The following AGXT2 variants were observed in gnomAD, a reference collection of about 807,000 sequenced individuals.
The protein encoded by AGXT2 is alanine--glyoxylate aminotransferase 2, mitochondrial.
A neutral mutation model predicts 62.5 loss-of-function variants in AGXT2; 61 were observed. That is an observed-to-expected ratio of 0.98 (90% CI 0.79 to 1.21). The LOEUF (loss-of-function observed/expected upper bound fraction) is 1.21, where lower values mean the gene tolerates loss of function less well. Among genes scored for constraint, AGXT2 ranks in the 50% most tolerant of loss-of-function variants. The probability of loss-of-function intolerance (pLI) is 0.00; values close to 1 mark genes in which losing one functional copy is unlikely to be tolerated. For synonymous variants in AGXT2, 243 were observed against 218.7 expected (o/e 1.11, Z -0.98); for missense variants, 666 against 641.5 (o/e 1.04, Z -0.41).
chr5:35,030,323 C>T (rs1452349572), intron 7 of AGXT2, among the ~76,000 whole-genome samples: 1 of 152,186 alleles, frequency 6.6e-6, no homozygotes, highest in Non-Finnish European at 1.5e-5. Flanking sequence ...GCCTGGCCAA[C>T]ATGGTGAAAC....
At chr5:35,035,096 A>G (rs1008953468) in intron 5 of AGXT2, 126 bp downstream of exon 5, 15 of 867,096 alleles carry the variant, frequency 1.7e-5, no homozygotes, top group Non-Finnish European at 2.7e-5. Flanking sequence ...CTTCCTTAAA[A>G]CTTAACAACT....
rs373678949 is a variant in AGXT2, at chr5:35,033,487, T to C, written c.648A>G (p.Glu216=). Reference sequence around the variant, plus strand: ...GTTGGCAACCTGTCCCACCAGGGAGTTCCATCTTGTAGGTCCCTACGTTTG... The same window carrying C: ...GTTGGCAACCTGTCCCACCAGGGAGCTCCATCTTGTAGGTCCCTACGTTTG... ...GLTNVGTYKM[E]LPGGTGCQPT... The change falls in exon 6 of 14, where the codon GAA becomes GAG. Residue 216 remains glutamate (E), a synonymous_variant. Coordinates refer to ENST00000231420, the MANE Select transcript of AGXT2 (RefSeq NM_031900.4). 4.8e-5 allele frequency: 78 copies of C among 1,613,276 alleles called. No homozygotes were observed. Among genetic ancestry groups the C allele is most frequent in the Non-Finnish European group, 6.5e-5 (77 of 1,179,558 alleles).
intron 9 of AGXT2, among the ~76,000 whole-genome samples, chr5:35,021,276 G>C (rs1767069728): frequency 1.3e-5 from 2 of 152,112 alleles, no homozygotes; most frequent in South Asian, 4.1e-4. Context: ...TGAATCCTAA[G>C]CCAAAAGAAC....
intron 7 of AGXT2, among the ~76,000 whole-genome samples, chr5:35,030,391 C>G (rs1434584472): frequency 6.6e-6 from 1 of 152,086 alleles, no homozygotes; most frequent in African/African-American, 2.4e-5. Context: ...ACCTGTAATC[C>G]CCGCTACTCG....
intron 9 of AGXT2, among the ~76,000 whole-genome samples, chr5:35,020,719 G>A (rs570106839): frequency 1.1e-4 from 17 of 152,300 alleles, no homozygotes; most frequent in South Asian, 4.2e-4. Context: ...GGAAGTTCTG[G>A]CCAGGGCAAT....
At chr5:35,002,200 C>G (rs993049654) in intron 13 of AGXT2, among the ~76,000 whole-genome samples, 1 of 114,576 alleles carries the variant, frequency 8.7e-6, no homozygotes, top group Non-Finnish European at 2.1e-5. Context: ...ATATTTATGA[C>G]CTGGACTAGA....
intron 13 of AGXT2, among the ~76,000 whole-genome samples, chr5:35,002,653 G>A (rs146947078): frequency 2.4e-4 from 36 of 152,244 alleles, no homozygotes; most frequent in South Asian, 1.4e-3. Flanking sequence ...TAGAAAGAGC[G>A]CCCTCACCAG....
chr5:35,002,475 T>C (rs1463511846), intron 13 of AGXT2, among the ~76,000 whole-genome samples: 2 of 152,214 alleles, frequency 1.3e-5, no homozygotes, highest in Non-Finnish European at 2.9e-5. Context: ...TGGACATTTG[T>C]GCCTCTACCC....
intron 1 of AGXT2, 110 bp from the exon 2 acceptor site, chr5:35,040,773 TAA>T (rs373088817): frequency 1.4e-5 from 12 of 871,214 alleles, no homozygotes; most frequent in African/African-American, 3.3e-5. Flanking sequence ...ATTTCTTAGT[TAA>T]AAAATCATGC....
chr5:35,017,167 G>T (rs919812341), intron 9 of AGXT2, among the ~76,000 whole-genome samples: 3 of 152,072 alleles, frequency 2.0e-5, no homozygotes, highest in African/African-American at 4.8e-5. Context: ...GCCATGATTT[G>T]CCCTTTCTAC....
rs996584356 is a variant in AGXT2 at position 35,015,841 on chromosome 5, C to T, written c.964-1722G>A. Among the ~76,000 whole-genome samples the T allele has an allele frequency of 2.7e-5, 3 of 109,452 alleles. No homozygotes were observed. In the Admixed American group the frequency reaches 3.5e-4, roughly 13 times the overall value. The allele number at this position is 109,452 out of a possible 152,430, so 71.8% of individuals were successfully genotyped here. A position where few individuals can be genotyped will look rare whatever the true frequency, so the allele number is the denominator to read the frequency against. ...CTCCAGCCTGGGCAACAGAGTGAGA[C>T]TCCATCTCAAAAAAAAAAAAAAAAA... On this transcript the variant is annotated intron_variant, in intron 9 of 13. Coordinates refer to ENST00000231420, the MANE Select transcript of AGXT2 (RefSeq NM_031900.4).
At chr5:35,011,212 C>A (rs1766625717) in intron 11 of AGXT2, among the ~76,000 whole-genome samples, 1 of 152,166 alleles carries the variant, frequency 6.6e-6, no homozygotes, top group African/African-American at 2.4e-5. Context: ...GTAATACCAG[C>A]ACTTTGGGAG....
chr5:35,027,661 C>G (rs1454860633), intron 7 of AGXT2, among the ~76,000 whole-genome samples: 1 of 151,426 alleles, frequency 6.6e-6, no homozygotes, highest in Non-Finnish European at 1.5e-5. Flanking sequence ...TTATTTTTGA[C>G]AAGGGGCAGT....
chr5:35,018,480 A>G (rs760912875), intron 9 of AGXT2, among the ~76,000 whole-genome samples: 84 of 152,350 alleles, frequency 5.5e-4, no homozygotes, highest in Non-Finnish European at 9.0e-4. Context: ...GCTAAGCTTC[A>G]TAAGTGAAAG....
At chr5:35,015,504 T>C (rs1366208618) in intron 9 of AGXT2, among the ~76,000 whole-genome samples, 1 of 151,798 alleles carries the variant, frequency 6.6e-6, no homozygotes, top group Non-Finnish European at 1.5e-5. Context: ...AAATGCAAAA[T>C]GGGGGTTAGG....
intron 5 of AGXT2, 127 bp from the exon 6 acceptor site, chr5:35,033,680 G>T: frequency 1.4e-6 from 1 of 733,830 alleles, no homozygotes; most frequent in South Asian, 1.5e-5. Flanking sequence ...TGATTTCTAA[G>T]AACGCATCTA....
intron 9 of AGXT2, among the ~76,000 whole-genome samples, chr5:35,023,449 T>C (rs1767197532): frequency 6.6e-6 from 1 of 152,214 alleles, no homozygotes; most frequent in African/African-American, 2.4e-5. Flanking sequence ...CTGTGTTAGA[T>C]AGTTTTCAAT....
chr5:34,998,639 G>T lies in AGXT2; in HGVS notation c.*80C>A. The T allele has an allele frequency of 8.6e-7, 1 of 1,159,478 alleles. No individual in the cohort carries two copies. The highest frequency in any genetic ancestry group is 1.5e-5 in the African/African-American group (1 of 66,058). 71.8% of individuals were successfully genotyped at this position (1,159,478 alleles called of 1,614,324 possible). Reference sequence around the variant, plus strand: ...TGCAGGCTTTCTCTGGATACCAGTGGTTCTGAAATTCTTCAAATTCACCCT... The same window carrying T: ...TGCAGGCTTTCTCTGGATACCAGTGTTTCTGAAATTCTTCAAATTCACCCT... On this transcript the variant is annotated 3_prime_UTR_variant, in exon 14 of 14. Transcript: ENST00000231420.
At position 35,040,890 on chromosome 5, in the gene AGXT2, G is replaced by A. The variant is rs536690610; in HGVS notation, c.89-227C>T. Among the ~76,000 whole-genome samples the A allele has an allele frequency of 5.3e-5, 8 of 152,180 alleles. No homozygotes were observed. The South Asian group carries it at 1.7e-3, about 32-fold the overall frequency. On this transcript the variant is annotated intron_variant, in intron 1 of 13. Transcript: ENST00000231420. ...ATATAGTCTGGAAAAAAAATCTACGGCAGTCCCTCACAAACTTGGGAGGCT... is the reference window on the plus strand; with the variant it reads ...ATATAGTCTGGAAAAAAAATCTACGACAGTCCCTCACAAACTTGGGAGGCT...
Sources: allele counts gnomAD v4.1 joint callset (sites outside exome capture counted in the v4.1 genomes callset), GRCh38; gene constraint gnomAD v4.1.1; transcripts MANE v1.5; gene names NCBI Gene and HGNC (gene_info 2026-07-23, HGNC 2026-07-21).